SERPINA11: variants seen among roughly 807,000 people sequenced by gnomAD.
The protein encoded by SERPINA11 is serpin A11.
Under a neutral mutation model 29.4 loss-of-function variants are expected in SERPINA11, and 28 were observed. That is an observed-to-expected ratio of 0.95 (90% CI 0.70 to 1.30). The LOEUF is 1.30. Among genes scored for constraint, SERPINA11 ranks in the 50% most tolerant of loss-of-function variants. SERPINA11 has a pLI of 0.00. For missense variants in SERPINA11, 530 were observed against 507.3 expected (o/e 1.04, Z -0.43); for synonymous variants, 253 against 206.6 (o/e 1.22, Z -1.92).
intron 2 of SERPINA11, among the ~76,000 whole-genome samples, chr14:94,447,734 C>A (rs758160894): frequency 1.1e-4 from 16 of 151,690 alleles, no homozygotes; most frequent in Non-Finnish European, 4.4e-5. Flanking sequence ...GCAATGATAT[C>A]TCTTTTCCCT....
Position 94,442,681 on chromosome 14 carries a change from G to A in SERPINA11, c.1194C>T (p.Phe398=). 9 of 1,613,270 alleles carry A rather than the reference G, an allele frequency of 5.6e-6. No individual in the cohort carries two copies. The highest frequency in any genetic ancestry group is 1.1e-5 in the South Asian group (1 of 90,818). ...SDPHAHFNRP[F]LLLLWEVTTQ... ...TGGTGACCTCCCAAAGGAGCAAGAG[G>A]AAAGGCCTGTTGAAGTGGGCATGTG... The change falls in exon 5 of 5, where the codon TTC becomes TTT. Residue 398 remains phenylalanine (F), a synonymous_variant. Transcript: ENST00000334708.
intron 1 of SERPINA11, among the ~76,000 whole-genome samples, chr14:94,450,550 C>A (rs1898568927): frequency 6.6e-6 from 1 of 152,172 alleles, no homozygotes. Context: ...CAGAAGGCAC[C>A]AACCCTGTCA....
chr14:94,449,428 T>TCTTC (rs1898528355), intron 1 of SERPINA11, among the ~76,000 whole-genome samples: 1 of 96,254 alleles, frequency 1.0e-5, no homozygotes, highest in Admixed American at 1.1e-4. Flanking sequence ...TTTCTTTCTT[T>TCTTC]CTTTCTTTCT....
In SERPINA11 at chr14:94,446,613, A is replaced by G. The variant is rs1898444831; in HGVS notation, c.644-9T>C. The G allele has an allele frequency of 1.9e-6, 3 of 1,609,908 alleles. No individual in the cohort carries two copies. Among genetic ancestry groups the G allele is most frequent in the Non-Finnish European group, 2.5e-6 (3 of 1,178,246 alleles). On this transcript the variant is annotated splice_polypyrimidine_tract_variant and intron_variant, in intron 2 of 4. Transcript: ENST00000334708. Reference sequence around the variant, plus strand: ...AGGGTGCTTCCACTTGGCTTAGGACACAAAACCCATAAGGCCATGAGAACT... The same window carrying G: ...AGGGTGCTTCCACTTGGCTTAGGACGCAAAACCCATAAGGCCATGAGAACT...
Position 94,449,482 on chromosome 14 carries a change from TG to T in SERPINA11, c.-3-706del, listed in dbSNP as rs386419522. ...CTTTCTTTCTTTCTTTCTTTCTTTC[TG>T]TCTGTCTGTCTTTCTTTCTCTTTCT... On this transcript the variant is annotated intron_variant, in intron 1 of 4. Transcript: ENST00000334708. 4.3e-3 allele frequency among the ~76,000 whole-genome samples: 410 copies of T among 94,512 alleles called. 29 individuals are homozygous for T. The highest frequency in any genetic ancestry group is 0.024 in the African/African-American group (273 of 11,166). The allele number at this position is 94,512 out of a possible 152,430, so 62.0% of individuals were successfully genotyped here.
rs74711913 is a variant in SERPINA11 at position 94,447,077 on chromosome 14, C to T, written c.644-473G>A. 1.9e-3 allele frequency among the ~76,000 whole-genome samples: 294 copies of T among 152,338 alleles called. 1 individual carries two copies. Among genetic ancestry groups the T allele is most frequent in the African/African-American group, 6.7e-3 (280 of 41,584 alleles). ...CCTTCTCAACCAAACTGCCTCTAGA[C>T]AACAACCTTCTACAGAGACGCTCAA... On this transcript the variant is annotated intron_variant, in intron 2 of 4. Coordinates refer to ENST00000334708, the MANE Select transcript of SERPINA11 (RefSeq NM_001080451.2).
chr14:94,448,411 G>A lies in SERPINA11; in HGVS notation c.364C>T (p.Leu122Phe), dbSNP rs887467543. ...EADIHQGFRS[L>F]LHTLALPSPK... ...CTGGGCAGGGCAAGGGTGTGGAGGA[G>A]GCTCCGGAAGCCCTGGTGGATGTCG... Residue 122 changes from leucine (L) to phenylalanine (F), a missense_variant, in exon 2 of 5, where the codon CTC (leucine) becomes TTC (phenylalanine). Coordinates refer to ENST00000334708, the MANE Select transcript of SERPINA11 (RefSeq NM_001080451.2). The A allele has an allele frequency of 1.2e-6, 2 of 1,614,142 alleles. No homozygotes were observed. Among genetic ancestry groups the A allele is most frequent in the Non-Finnish European group, 8.5e-7 (1 of 1,180,032 alleles).
intron 3 of SERPINA11, among the ~76,000 whole-genome samples, chr14:94,445,511 T>C (rs1566783045): frequency 6.6e-6 from 1 of 152,206 alleles, no homozygotes; most frequent in Non-Finnish European, 1.5e-5. Flanking sequence ...GTTCTTAATA[T>C]TTAATTTTTT....
intron 3 of SERPINA11, among the ~76,000 whole-genome samples, chr14:94,444,608 C>T (rs77482178): frequency 0.014 from 2,169 of 152,226 alleles, 51 homozygotes; most frequent in African/African-American, 0.05. Flanking sequence ...TGACTAGAGC[C>T]GTGGAGCTTC....
In SERPINA11 at chr14:94,446,453, C is replaced by G; in HGVS notation, c.795G>C (p.Gln265His). The G allele has an allele frequency of 6.2e-7, 1 of 1,614,172 alleles. No homozygotes were observed. The highest frequency in any genetic ancestry group is 8.5e-7 in the Non-Finnish European group (1 of 1,180,004). Residue 265 changes from glutamine to histidine, a missense_variant, in exon 3 of 5, where the codon CAG becomes CAC. Physicochemically the swap from Gln to His is conservative, Grantham distance 24 (BLOSUM62 0). Coordinates refer to ENST00000334708, the MANE Select transcript of SERPINA11 (RefSeq NM_001080451.2). The stretch of plus-strand genomic sequence containing the variant: ...CCAAGGCATTTCCTCTGTATTCTAT[C>G]TGGAGGACGGTGCAAGCCAAATCCT... ...YDQDLACTVL[Q>H]IEYRGNALAL...
intron 3 of SERPINA11, among the ~76,000 whole-genome samples, chr14:94,443,643 A>G (rs936099323): frequency 6.6e-5 from 10 of 152,302 alleles, no homozygotes; most frequent in Admixed American, 2.6e-4. Context: ...CAGCTTCTGA[A>G]CTAGGTCCTA....
Position 94,443,083 on chromosome 14 carries a change from A to G in SERPINA11, c.1060T>C (p.Ser354Pro), listed in dbSNP as rs772664313. The G allele has an allele frequency of 6.2e-7, 1 of 1,610,866 alleles. No homozygotes were observed. The highest frequency in any genetic ancestry group is 8.5e-7 in the Non-Finnish European group (1 of 1,178,836). Reference sequence around the variant, plus strand: ...ATCCATGTTCACCACTTTACCTTGGAGATGGTTTTGTTGAGCTGCCCAGTG... The same window carrying G: ...ATCCATGTTCACCACTTTACCTTGGGGATGGTTTTGTTGAGCTGCCCAGTG... Reference protein sequence around the residue: ...GVTGQLNKTISKVSHKAMVDM... With the variant: ...GVTGQLNKTIPKVSHKAMVDM... The change falls in exon 4 of 5, where the codon TCC becomes CCC. Residue 354 changes from serine (S) to proline (P), a missense_variant. Physicochemically the swap from Ser to Pro is moderately conservative, Grantham distance 74 (BLOSUM62 -1). Transcript: ENST00000334708.
At chr14:94,450,383 T>A (rs1184521217) in intron 1 of SERPINA11, among the ~76,000 whole-genome samples, 2 of 152,134 alleles carry the variant, frequency 1.3e-5, no homozygotes, top group Non-Finnish European at 2.9e-5. Context: ...AAGGAGCAAT[T>A]TGGACACAGA....
intron 3 of SERPINA11, among the ~76,000 whole-genome samples, chr14:94,445,220 G>A (rs537484512): frequency 2.2e-3 from 340 of 152,290 alleles, no homozygotes; most frequent in African/African-American, 7.9e-3. Context: ...CTGCCCAGCT[G>A]AGCCCAGTTA....
At chr14:94,449,487 G>A (rs5810682) in intron 1 of SERPINA11, among the ~76,000 whole-genome samples, 2 of 82,176 alleles carry the variant, frequency 2.4e-5, no homozygotes, top group East Asian at 8.0e-4. Context: ...CTTTCTGTCT[G>A]TCTGTCTTTC....
At chr14:94,443,479 C>G (rs937640082) in intron 3 of SERPINA11, among the ~76,000 whole-genome samples, 2 of 152,188 alleles carry the variant, frequency 1.3e-5, no homozygotes, top group Non-Finnish European at 2.9e-5. Context: ...TCTTTGTCAT[C>G]TTCATCACAT....
chr14:94,446,278 C>T, intron 3 of SERPINA11, 53 bp downstream of exon 3: 4 of 1,544,386 alleles, frequency 2.6e-6, no homozygotes, highest in Non-Finnish European at 3.5e-6. Flanking sequence ...TGATCAAGAC[C>T]TGCTGGGGTT....
At chr14:94,451,085 C>T (rs1898578103) in intron 1 of SERPINA11, among the ~76,000 whole-genome samples, 1 of 152,226 alleles carries the variant, frequency 6.6e-6, no homozygotes, top group Non-Finnish European at 1.5e-5. Flanking sequence ...GTCCTGATAA[C>T]ATTTGTGTCT....
At chr14:94,445,178 C>T (rs1157949238) in intron 3 of SERPINA11, among the ~76,000 whole-genome samples, 3 of 152,210 alleles carry the variant, frequency 2.0e-5, no homozygotes, top group Non-Finnish European at 4.4e-5. Flanking sequence ...GTGGCTTCAG[C>T]TCCAGCTGCC....
Sources: gnomAD v4.1 joint callset for allele counts (sites outside exome capture counted in the v4.1 genomes callset) on GRCh38, gnomAD v4.1.1 for gene constraint, MANE v1.5 for transcripts, NCBI Gene and HGNC (gene_info 2026-07-23, HGNC 2026-07-21) for gene names.